The following CTNND2 variants were observed in gnomAD, a reference collection of about 807,000 sequenced individuals.
CTNND2 encodes catenin delta 2, also known as catenin delta-2.
CTNND2 carries 22 observed loss-of-function variants against 144.4 expected under a neutral mutation model. The ratio of observed to expected loss-of-function variants is 0.15; its 90% CI spans 0.11 to 0.22. The LOEUF (loss-of-function observed/expected upper bound fraction) is 0.22. Among genes scored for constraint, CTNND2 ranks in the 10% least tolerant of loss-of-function variants. CTNND2 has a pLI of 1.00. For synonymous variants in CTNND2, 751 were observed against 695.6 expected (o/e 1.08, Z -1.25); for missense variants, 1,353 against 1,618.8 (o/e 0.84, Z 2.82).
intron 9 of CTNND2, among the ~76,000 whole-genome samples, chr5:11,294,986 A>T (rs1029621634): frequency 2.0e-5 from 3 of 152,108 alleles, no homozygotes; most frequent in Non-Finnish European, 4.4e-5. Context: ...GGCCAGGGCA[A>T]TCAGGCAGGA....
At chr5:11,757,792 T>C (rs1200483008) in intron 1 of CTNND2, among the ~76,000 whole-genome samples, 1 of 151,988 alleles carries the variant, frequency 6.6e-6, no homozygotes. Flanking sequence ...AGTGTTGTTG[T>C]ATTTCTCTTA....
chr5:11,404,952 T>G (rs1760973366), intron 5 of CTNND2, among the ~76,000 whole-genome samples: 2 of 152,132 alleles, frequency 1.3e-5, no homozygotes, highest in Admixed American at 1.3e-4. Flanking sequence ...CCTCAATACA[T>G]CTTCATAATG....
intron 11 of CTNND2, among the ~76,000 whole-genome samples, chr5:11,194,642 T>C (rs1008431318): frequency 6.6e-5 from 10 of 151,854 alleles, no homozygotes; most frequent in African/African-American, 2.4e-4. Context: ...GCAGAAAACT[T>C]GAAGACCACC....
chr5:11,881,982 T>C (rs912391755), intron 1 of CTNND2, among the ~76,000 whole-genome samples: 2 of 152,096 alleles, frequency 1.3e-5, no homozygotes, highest in African/African-American at 4.8e-5. Flanking sequence ...TCCCTGATGA[T>C]TAGAGCTGTA....
chr5:11,699,378 T>G lies in CTNND2; in HGVS notation c.174+32758A>C, dbSNP rs535993248. 2.6e-5 allele frequency among the ~76,000 whole-genome samples: 4 copies of G among 152,216 alleles called. No individual in the cohort carries two copies. In the East Asian group the frequency reaches 7.7e-4, roughly 29 times the overall value. The stretch of plus-strand genomic sequence containing the variant: ...GACCTGGGAGGATGACTAAGTCACC[T>G]GAGGATACGATGAGGATGACAAAAA... On this transcript the variant is annotated intron_variant, in intron 2 of 21. Coordinates refer to ENST00000304623, the MANE Select transcript of CTNND2 (RefSeq NM_001332.4).
chr5:10,981,910 TTATTG>T, intron 20 of CTNND2, 64 bp from the exon 21 acceptor site: 1 of 1,402,712 alleles, frequency 7.1e-7, no homozygotes, highest in Non-Finnish European at 1.0e-6. Context: ...GGAATAGTTG[TTATTG>T]AAGCAAGTTC....
At chr5:11,565,908 T>C (rs1255194342) in intron 2 of CTNND2, among the ~76,000 whole-genome samples, 1 of 152,216 alleles carries the variant, frequency 6.6e-6, no homozygotes, top group Non-Finnish European at 1.5e-5. Context: ...GGAAAGTTTT[T>C]ACAATGTCAC....
intron 16 of CTNND2, among the ~76,000 whole-genome samples, chr5:11,063,927 G>A (rs1580179062): frequency 6.6e-6 from 1 of 152,160 alleles, no homozygotes; most frequent in South Asian, 2.1e-4. Flanking sequence ...CTATCAATAC[G>A]CTGACACAGG....
intron 2 of CTNND2, among the ~76,000 whole-genome samples, chr5:11,612,456 A>T (rs1332700149): frequency 6.6e-6 from 1 of 152,196 alleles, no homozygotes; most frequent in African/African-American, 2.4e-5. Flanking sequence ...GATACATGGG[A>T]TCTTAGCTAT....
At chr5:11,023,536 G>C (rs1742514268) in intron 16 of CTNND2, among the ~76,000 whole-genome samples, 4 of 152,140 alleles carry the variant, frequency 2.6e-5, no homozygotes, top group Admixed American at 1.3e-4. Flanking sequence ...ACTGAGCTTT[G>C]ATTCATTTAA....
chr5:11,222,180 A>C (rs200741550), intron 10 of CTNND2, among the ~76,000 whole-genome samples: 8 of 151,616 alleles, frequency 5.3e-5, no homozygotes, highest in Admixed American at 2.6e-4. Flanking sequence ...AGGCGGGGGG[A>C]AGATAAAAAG....
chr5:11,643,225 TTTG>T (rs1311931917), intron 2 of CTNND2, among the ~76,000 whole-genome samples: 1 of 152,100 alleles, frequency 6.6e-6, no homozygotes, highest in African/African-American at 2.4e-5. Context: ...ATTTTTTATT[TTTG>T]TTTTTTTAAT....
At chr5:11,227,354 T>C (rs1034819013) in intron 10 of CTNND2, among the ~76,000 whole-genome samples, 1 of 152,218 alleles carries the variant, frequency 6.6e-6, no homozygotes, top group Non-Finnish European at 1.5e-5. Context: ...CTCAAGGTCA[T>C]GGAGCTAGAA....
intron 3 of CTNND2, among the ~76,000 whole-genome samples, chr5:11,436,308 A>C (rs2149883821): frequency 6.6e-6 from 1 of 152,186 alleles, no homozygotes; most frequent in East Asian, 1.9e-4. Flanking sequence ...CCCTGGAAGT[A>C]CTCAAGGAGA....
At chr5:11,856,999 A>T (rs1795283004) in intron 1 of CTNND2, among the ~76,000 whole-genome samples, 2 of 152,336 alleles carry the variant, frequency 1.3e-5, no homozygotes, top group East Asian at 1.9e-4. Flanking sequence ...CAGACATATG[A>T]ATGTCCAATA....
intron 3 of CTNND2, among the ~76,000 whole-genome samples, chr5:11,480,644 A>ATGTGTGTGTGTGTG (rs112150074): frequency 0.032 from 4,378 of 137,980 alleles, 125 homozygotes; most frequent in African/African-American, 0.072. Context: ...GAAAATACAT[A>ATGTGTGTGTGTGTG]TATGTGTGTG....
At chr5:11,196,094 C>A (rs1179005775) in intron 11 of CTNND2, among the ~76,000 whole-genome samples, 1 of 152,136 alleles carries the variant, frequency 6.6e-6, no homozygotes, top group East Asian at 1.9e-4. Context: ...AACTCTTTAT[C>A]ATTGTTCAAA....
chr5:10,993,758 T>C (rs1401236529), intron 18 of CTNND2, among the ~76,000 whole-genome samples: 4 of 152,040 alleles, frequency 2.6e-5, no homozygotes, highest in African/African-American at 9.7e-5. Context: ...ATCCTATCAG[T>C]CAAGTAGAAC....
At chr5:11,282,963 G>A (rs76190847) in intron 9 of CTNND2, among the ~76,000 whole-genome samples, 6,201 of 152,176 alleles carry the variant, frequency 0.041, 190 homozygotes, top group African/African-American at 0.083. Flanking sequence ...CTCTTCCTCA[G>A]ATCTTTTTAA....
Sources: allele counts gnomAD v4.1 joint callset (sites outside exome capture counted in the v4.1 genomes callset), GRCh38; gene constraint gnomAD v4.1.1; transcripts MANE v1.5; gene names NCBI Gene and HGNC (gene_info 2026-07-23, HGNC 2026-07-21).